The following BAZ2B variants were observed in gnomAD, a reference collection of about 807,000 sequenced individuals.
BAZ2B encodes the protein bromodomain adjacent to zinc finger domain protein 2B.
A neutral mutation model predicts 246.0 loss-of-function variants in BAZ2B; 91 were observed. The observed-to-expected ratio is 0.37, with a 90% CI of 0.31 to 0.44. The LOEUF (loss-of-function observed/expected upper bound fraction) is 0.44. BAZ2B is among the 20% of genes least tolerant of loss of function. BAZ2B has a pLI of 1.00. For missense variants in BAZ2B, 2,332 were observed against 2,533.7 expected, an observed-to-expected ratio of 0.92 and a Z score of 1.71; for synonymous variants, 855 against 860.0, an observed-to-expected ratio of 0.99 and a Z score of 0.10.
At chr2:159,338,415 G>A (rs1270983268) in intron 31 of BAZ2B, among the ~76,000 whole-genome samples, 1 of 152,126 alleles carries the variant, frequency 6.6e-6, no homozygotes, top group African/African-American at 2.4e-5. Context: ...TTATAGTAGT[G>A]TAATTATTCG....
At chr2:159,396,567 T>C (rs2149683905) in intron 19 of BAZ2B, 1 of 152,322 alleles carries the variant, frequency 6.6e-6, no homozygotes, top group Non-Finnish European at 1.5e-5. Flanking sequence ...ACATTCTCAC[T>C]TTACTTTTAA....
At chr2:159,469,125 G>C (rs919828599) in intron 3 of BAZ2B, among the ~76,000 whole-genome samples, 4 of 142,612 alleles carry the variant, frequency 2.8e-5, no homozygotes, top group African/African-American at 1.0e-4. Context: ...ATTAATGAGA[G>C]AAAAAAAACA....
At chr2:159,494,681 T>C (rs1235409228) in intron 2 of BAZ2B, among the ~76,000 whole-genome samples, 1 of 152,170 alleles carries the variant, frequency 6.6e-6, no homozygotes, top group African/African-American at 2.4e-5. Context: ...TAAATACTAG[T>C]CTTTTATTCT....
rs2065798984 is a variant in BAZ2B at position 159,337,064 on chromosome 2, T to C, written c.5674A>G (p.Ile1892Val). ...CTCCATACCCTGAGCCCTGGAGCAA[T>C]ATCCTCTTCAATTCTGCATTGAAAT... The part of the protein sequence containing the change: ...RNIERRIEED[I>V]APGLRVWRRA... The change falls in exon 33 of 37, where the codon ATT becomes GTT. Residue 1892 changes from isoleucine to valine, a missense_variant. Ile to Val is a conservative substitution (Grantham distance 29). This residue lies in a region of BAZ2B where 53 missense variants were observed against 62.0 expected (regional missense o/e 0.86). Transcript: ENST00000392783. 5 of 1,613,004 alleles carry C rather than the reference T, an allele frequency of 3.1e-6. No homozygotes were observed. Among genetic ancestry groups the C allele is most frequent in the Non-Finnish European group, 4.2e-6 (5 of 1,179,264 alleles).
intron 2 of BAZ2B, among the ~76,000 whole-genome samples, chr2:159,547,095 A>G (rs2087461311): frequency 6.6e-6 from 1 of 152,206 alleles, no homozygotes; most frequent in Non-Finnish European, 1.5e-5. Context: ...CGTAAATTTT[A>G]TGAACAAAAG....
rs2070438460 is a variant in BAZ2B, at chr2:159,428,576, T to C, written c.2256-157A>G. 2.0e-5 allele frequency among the ~76,000 whole-genome samples: 3 copies of C among 152,150 alleles called. No individual in the cohort carries two copies. The South Asian group carries it at 6.2e-4, about 31-fold the overall frequency. On this transcript the variant is annotated intron_variant, in intron 11 of 36. Coordinates refer to ENST00000392783, the MANE Select transcript of BAZ2B (RefSeq NM_013450.4). ...ACCCAAATACATTAACTCTCAAAATTATTTAGATTTTTAGCTAATTCAACT... is the reference window on the plus strand; with the variant it reads ...ACCCAAATACATTAACTCTCAAAATCATTTAGATTTTTAGCTAATTCAACT...
intron 1 of BAZ2B, among the ~76,000 whole-genome samples, chr2:159,602,917 G>T (rs1480430726): frequency 6.6e-6 from 1 of 152,156 alleles, no homozygotes; most frequent in Non-Finnish European, 1.5e-5. Context: ...AGGGTGGACT[G>T]CTTCAGGCCG....
At chr2:159,387,116 A>G (rs557050366) in intron 21 of BAZ2B, among the ~76,000 whole-genome samples, 1 of 152,128 alleles carries the variant, frequency 6.6e-6, no homozygotes, top group African/African-American at 2.4e-5. Flanking sequence ...ATGGTTGGAG[A>G]AAGTGGTACC....
At position 159,412,320 on chromosome 2, in the gene BAZ2B, C is replaced by T; in HGVS notation, c.2677+15G>A. 6.2e-7 allele frequency: 1 copy of T among 1,611,284 alleles called. No individual in the cohort carries two copies. The highest frequency in any genetic ancestry group is 8.5e-7 in the Non-Finnish European group (1 of 1,177,490). On this transcript the variant is annotated intron_variant, in intron 14 of 36. Transcript: ENST00000392783. ...TTAGTATGATTATTAGTGTCAGACA[C>T]ATTATGTTTCTTACCTTGAGCTTGC...
intron 2 of BAZ2B, among the ~76,000 whole-genome samples, chr2:159,514,300 C>T (rs139780106): frequency 1.8e-4 from 27 of 152,264 alleles, no homozygotes; most frequent in Admixed American, 4.6e-4. Flanking sequence ...TAAAACAATA[C>T]ATTGGATATC....
intron 25 of BAZ2B, among the ~76,000 whole-genome samples, chr2:159,375,604 G>GGT (rs1433136549): frequency 1.3e-5 from 2 of 152,100 alleles, no homozygotes; most frequent in African/African-American, 4.8e-5. Flanking sequence ...GTTGTAAGAT[G>GGT]GTGTGGAGCA....
At chr2:159,697,422 C>T in the BAZ2B span, among the ~76,000 whole-genome samples, 2 of 152,062 alleles carry the variant, frequency 1.3e-5, no homozygotes, top group African/African-American at 4.8e-5. Context: ...GATATCTAAT[C>T]AGAAATTACA....
chr2:159,507,145 T>C (rs142967455), intron 2 of BAZ2B, among the ~76,000 whole-genome samples: 276 of 152,226 alleles, frequency 1.8e-3, no homozygotes, highest in African/African-American at 6.3e-3. Context: ...TTCTGAAAAA[T>C]GCTTAGATGG....
intron 2 of BAZ2B, among the ~76,000 whole-genome samples, chr2:159,523,443 C>T (rs755665544): frequency 3.3e-5 from 5 of 151,910 alleles, no homozygotes; most frequent in Admixed American, 1.3e-4. Flanking sequence ...CAGTGGCTCA[C>T]GCTTGTAATC....
In BAZ2B at chr2:159,451,983, T is replaced by G. The variant is rs139342065; in HGVS notation, c.334+1630A>C. Among the ~76,000 whole-genome samples, 80 of 152,338 alleles carry G rather than the reference T, an allele frequency of 5.3e-4. 1 individual carries two copies. In the East Asian group the frequency reaches 0.015, roughly 29 times the overall value. ...TTGTTTTTATCTATTTTGATATTTATTCAGCAATCTTGTATTTCAGTAAAT... is the reference window on the plus strand; with the variant it reads ...TTGTTTTTATCTATTTTGATATTTAGTCAGCAATCTTGTATTTCAGTAAAT... On this transcript the variant is annotated intron_variant, in intron 4 of 36. Coordinates refer to ENST00000392783, the MANE Select transcript of BAZ2B (RefSeq NM_013450.4).
the BAZ2B span, among the ~76,000 whole-genome samples, chr2:159,666,113 G>A: frequency 3.3e-5 from 5 of 152,038 alleles, no homozygotes; most frequent in African/African-American, 1.2e-4. Flanking sequence ...CTGCAAGCAA[G>A]TCCCAGTCCT....
chr2:159,676,609 G>A, the BAZ2B span, among the ~76,000 whole-genome samples: 17 of 149,134 alleles, frequency 1.1e-4, no homozygotes, highest in African/African-American at 3.0e-4. Flanking sequence ...GAGCCCAGGC[G>A]TCCAAGTCCA....
the BAZ2B span, among the ~76,000 whole-genome samples, chr2:159,684,788 A>G: frequency 6.6e-6 from 1 of 152,236 alleles, no homozygotes. Flanking sequence ...TTCTGGAAGA[A>G]ATCATTTATT....
Position 159,616,230 on chromosome 2 carries a change from T to C in BAZ2B, c.-46+12A>G, listed in dbSNP as rs1417910968. The C allele has an allele frequency of 6.6e-6, 1 of 152,240 alleles. No individual in the cohort carries two copies. Among genetic ancestry groups the C allele is most frequent in the African/African-American group, 2.4e-5 (1 of 41,464 alleles). The allele number at this position is 152,240 out of a possible 1,614,324, so 9.4% of individuals were successfully genotyped here. A position where few individuals can be genotyped will look rare whatever the true frequency, so the allele number is the denominator to read the frequency against. Reference sequence around the variant, plus strand: ...CACCCGCACCCCTCACGCCCGAGGATTTTAAACTCACCTTTACTCTCGAAC... The same window carrying C: ...CACCCGCACCCCTCACGCCCGAGGACTTTAAACTCACCTTTACTCTCGAAC... On this transcript the variant is annotated intron_variant, in intron 1 of 36. Transcript: ENST00000392783.
Sources: gnomAD v4.1 joint callset for allele counts (sites outside exome capture counted in the v4.1 genomes callset) on GRCh38, gnomAD v4.1.1 for gene constraint, gnomAD v4.1.1 regional missense constraint, MANE v1.5 for transcripts, NCBI Gene and HGNC (gene_info 2026-07-23, HGNC 2026-07-21) for gene names.